The following TTLL9 variants were observed in gnomAD, a reference collection of about 807,000 sequenced individuals.
TTLL9 encodes tubulin tyrosine ligase like 9, also known as probable tubulin polyglutamylase TTLL9.
Under a neutral mutation model 65.6 loss-of-function variants are expected in TTLL9, and 47 were observed. The observed-to-expected ratio is 0.72, with a 90% CI of 0.57 to 0.91. TTLL9 has a LOEUF of 0.91. TTLL9 is among the 40% of genes least tolerant of loss of function. TTLL9 has a pLI of 0.00. For missense variants in TTLL9, 537 were observed against 568.8 expected (o/e 0.94, Z 0.57); for synonymous variants, 179 against 204.8 (o/e 0.87, Z 1.07).
At position 31,871,142 on chromosome 20, in the gene TTLL9, G is replaced by A. The variant is rs2062923249; in HGVS notation, c.16G>A (p.Glu6Lys). 6.2e-7 allele frequency: 1 copy of A among 1,614,128 alleles called. No homozygotes were observed. The highest frequency in any genetic ancestry group is 8.5e-7 in the Non-Finnish European group (1 of 1,180,022). The change falls in exon 2 of 15, where the codon GAA becomes AAA. Residue 6 changes from glutamate (E) to lysine (K), a missense_variant. Glu to Lys is a moderately conservative substitution (Grantham distance 56, BLOSUM62 1). Transcript: ENST00000535842. ...CCTAGGAGGGATGGTGCCATCCAGG[G>A]AAGCTCTGCTGGGACCAGGCACAAC... MVPSR[E>K]ALLGPGTTAI...
Position 31,943,343 on chromosome 20 carries a change from A to C in TTLL9, c.*322A>C. 5 of 390,292 alleles carry C rather than the reference A, an allele frequency of 1.3e-5. No individual in the cohort carries two copies. The highest frequency in any genetic ancestry group is 5.6e-5 in the East Asian group (1 of 17,918). The allele number at this position is 390,292 out of a possible 1,614,324, so 24.2% of individuals were successfully genotyped here. On this transcript the variant is annotated 3_prime_UTR_variant, in exon 15 of 15. Coordinates refer to ENST00000535842, the MANE Select transcript of TTLL9 (RefSeq NM_001008409.5). ...ACCCCCAGGAGATCATATCTAATAA[A>C]TGAGCACAGGCCCTACTTGGAGTCA...
chr20:31,937,234 C>A (rs545127417), intron 12 of TTLL9, among the ~76,000 whole-genome samples, 162 bp from the exon 13 acceptor site: 1 of 152,080 alleles, frequency 6.6e-6, no homozygotes, highest in Non-Finnish European at 1.5e-5. Flanking sequence ...CCTAGCAAGA[C>A]CCTATCTCTA....
At chr20:31,910,832 CTGCATA>C (rs1184786009) in intron 6 of TTLL9, among the ~76,000 whole-genome samples, 1 of 152,190 alleles carries the variant, frequency 6.6e-6, no homozygotes, top group African/African-American at 2.4e-5. Context: ...GCTGAGGGAA[CTGCATA>C]TGCAAAGGCT....
At chr20:31,922,489 C>T (rs916609599) in intron 7 of TTLL9, among the ~76,000 whole-genome samples, 3 of 152,190 alleles carry the variant, frequency 2.0e-5, no homozygotes, top group Non-Finnish European at 4.4e-5. Flanking sequence ...CCCCCATCTA[C>T]CTTCTATCTC....
chr20:31,879,724 C>G, intron 2 of TTLL9: 1 of 1,272,812 alleles, frequency 7.9e-7, no homozygotes, highest in Admixed American at 2.3e-5. Flanking sequence ...TCCAGAGGTT[C>G]TGGTGGACCA....
intron 3 of TTLL9, among the ~76,000 whole-genome samples, chr20:31,890,052 T>TTC (rs2063272638): frequency 7.6e-6 from 1 of 131,546 alleles, no homozygotes; most frequent in Non-Finnish European, 1.6e-5. Context: ...CCTTCTTTCT[T>TTC]TCTTTCTCTT....
At chr20:31,895,835 A>ATTTG (rs1179207154) in intron 3 of TTLL9, among the ~76,000 whole-genome samples, 1 of 147,332 alleles carries the variant, frequency 6.8e-6, no homozygotes, top group Non-Finnish European at 1.5e-5. Context: ...TTATTTATTT[A>ATTTG]TTTATTTATT....
At chr20:31,898,435 A>G in intron 3 of TTLL9, 38 bp from the exon 4 acceptor site, 3 of 1,593,102 alleles carry the variant, frequency 1.9e-6, no homozygotes, top group Non-Finnish European at 1.7e-6. Flanking sequence ...TAGGAAAATC[A>G]TTGATCCTGA....
intron 2 of TTLL9, among the ~76,000 whole-genome samples, chr20:31,878,268 G>A (rs2063064796): frequency 6.6e-6 from 1 of 152,220 alleles, no homozygotes; most frequent in Admixed American, 6.5e-5. Flanking sequence ...TTTAAATGCA[G>A]ACAGTTCTGA....
intron 13 of TTLL9, among the ~76,000 whole-genome samples, chr20:31,937,746 C>T (rs1167796942): frequency 2.6e-5 from 4 of 152,086 alleles, no homozygotes; most frequent in Admixed American, 2.6e-4. Context: ...GACAGTCCAG[C>T]AGGATTTCCT....
intron 6 of TTLL9, among the ~76,000 whole-genome samples, chr20:31,913,810 T>C (rs2123523660): frequency 6.6e-6 from 1 of 152,380 alleles, no homozygotes; most frequent in Non-Finnish European, 1.5e-5. Flanking sequence ...CTTAGCTTTC[T>C]TCCCATGGAA....
In TTLL9 at chr20:31,915,454, C is replaced by T. The variant is rs577627459; in HGVS notation, c.505-4410C>T. On this transcript the variant is annotated intron_variant, in intron 6 of 14. Transcript: ENST00000535842. ...CCGAGATCCTGCCACTGTACTCCAG[C>T]CTGGGTGACAGAGCAAGACCCTGTC... Among the ~76,000 whole-genome samples, 69 of 152,258 alleles carry T rather than the reference C, an allele frequency of 4.5e-4. No homozygotes were observed. The South Asian group carries it at 0.014, about 31-fold the overall frequency.
intron 2 of TTLL9, among the ~76,000 whole-genome samples, chr20:31,880,904 G>C (rs181971100): frequency 6.7e-6 from 1 of 150,058 alleles, no homozygotes; most frequent in African/African-American, 2.5e-5. Context: ...GCTCAGGAGG[G>C]AGTGCAGTGG....
At chr20:31,891,839 G>A (rs1278606332) in intron 3 of TTLL9, among the ~76,000 whole-genome samples, 1 of 152,180 alleles carries the variant, frequency 6.6e-6, no homozygotes, top group African/African-American at 2.4e-5. Context: ...GTCTCACTCT[G>A]TCACCCAGGC....
At chr20:31,924,487 G>A (rs1007573722) in intron 8 of TTLL9, among the ~76,000 whole-genome samples, 4 of 152,078 alleles carry the variant, frequency 2.6e-5, no homozygotes, top group African/African-American at 9.7e-5. Context: ...CTCCCCATGG[G>A]GGTCTTTGAC....
At chr20:31,918,586 G>A (rs774247777) in intron 6 of TTLL9, among the ~76,000 whole-genome samples, 14 of 152,042 alleles carry the variant, frequency 9.2e-5, no homozygotes, top group Non-Finnish European at 1.8e-4. Context: ...GTCTTTCTAC[G>A]TTGCCTAGAC....
At chr20:31,890,140 TC>T (rs1249382114) in intron 3 of TTLL9, among the ~76,000 whole-genome samples, 6 of 110,190 alleles carry the variant, frequency 5.4e-5, no homozygotes, top group East Asian at 2.3e-4. Context: ...CTTCCTTCCT[TC>T]CTTCCTTCCT....
chr20:31,893,955 C>T (rs1424903889), intron 3 of TTLL9, among the ~76,000 whole-genome samples: 2 of 152,076 alleles, frequency 1.3e-5, no homozygotes, highest in Non-Finnish European at 2.9e-5. Context: ...AATTTTTTCT[C>T]TAATTCAATT....
chr20:31,922,008 C>T (rs921555015), intron 7 of TTLL9, among the ~76,000 whole-genome samples: 3 of 152,050 alleles, frequency 2.0e-5, no homozygotes, highest in Admixed American at 6.5e-5. Flanking sequence ...GTGGCTCACA[C>T]CTGTAATCCC....
Sources: allele counts gnomAD v4.1 joint callset (sites outside exome capture counted in the v4.1 genomes callset), GRCh38; gene constraint gnomAD v4.1.1; transcripts MANE v1.5; gene names NCBI Gene and HGNC (gene_info 2026-07-23, HGNC 2026-07-21).